The following TENM3 variants were observed in gnomAD, a reference collection of about 807,000 sequenced individuals.
The protein encoded by TENM3 is teneurin-3.
Under a neutral mutation model 255.1 loss-of-function variants are expected in TENM3, and 63 were observed. The observed-to-expected ratio is 0.25, with a 90% CI of 0.20 to 0.30. The LOEUF (loss-of-function observed/expected upper bound fraction) is 0.30. TENM3 is among the 10% of genes least tolerant of loss of function. TENM3 has a pLI of 1.00. For synonymous variants in TENM3, 1,306 were observed against 1,322.3 expected, an observed-to-expected ratio of 0.99 and a Z score of 0.27; for missense variants, 2,929 against 3,461.1, an observed-to-expected ratio of 0.85 and a Z score of 3.86.
chr4:182,514,011 G>A (rs1737681311), intron 3 of TENM3, among the ~76,000 whole-genome samples: 1 of 152,210 alleles, frequency 6.6e-6, no homozygotes, highest in Non-Finnish European at 1.5e-5. Context: ...CTTGTTTAGG[G>A]TTTCCCCTCT....
At chr4:181,570,270 C>A in the TENM3 span, among the ~76,000 whole-genome samples, 2 of 151,986 alleles carry the variant, frequency 1.3e-5, no homozygotes, top group African/African-American at 4.8e-5. Context: ...TGGTCTCGAT[C>A]TCCTGACCTC....
intron 3 of TENM3, among the ~76,000 whole-genome samples, chr4:182,462,663 G>T (rs189792828): frequency 6.6e-6 from 1 of 151,864 alleles, no homozygotes; most frequent in Non-Finnish European, 1.5e-5. Context: ...CAGGTGGACG[G>T]ATCACCTGAG....
At chr4:182,490,102 A>C (rs1735141223) in intron 3 of TENM3, among the ~76,000 whole-genome samples, 1 of 152,192 alleles carries the variant, frequency 6.6e-6, no homozygotes, top group Non-Finnish European at 1.5e-5. Context: ...TGAATGTCTT[A>C]ATTCTCACTA....
chr4:181,448,441 G>T, the TENM3 span, among the ~76,000 whole-genome samples: 4 of 152,008 alleles, frequency 2.6e-5, no homozygotes, highest in African/African-American at 9.7e-5. Context: ...AAAGTGCTGG[G>T]ATTACAGGCG....
At chr4:182,781,988 A>T in intron 24 of TENM3, among the ~76,000 whole-genome samples, 1 of 131,182 alleles carries the variant, frequency 7.6e-6, no homozygotes, top group Non-Finnish European at 1.6e-5. Flanking sequence ...AATTTTGTTG[A>T]TCCTTTCAAA....
chr4:182,339,689 A>G (rs1219237514), intron 2 of TENM3, among the ~76,000 whole-genome samples: 2 of 152,116 alleles, frequency 1.3e-5, no homozygotes, highest in African/African-American at 2.4e-5. Context: ...TTGGATCCAC[A>G]GTGTGACTCA....
the TENM3 span, among the ~76,000 whole-genome samples, chr4:181,584,052 G>A: frequency 6.6e-6 from 1 of 152,156 alleles, no homozygotes; most frequent in Non-Finnish European, 1.5e-5. Context: ...ACTCCTGTTT[G>A]CCTTTCAATA....
chr4:182,116,719 C>A, the TENM3 span, among the ~76,000 whole-genome samples: 1 of 152,178 alleles, frequency 6.6e-6, no homozygotes, highest in Non-Finnish European at 1.5e-5. Context: ...AACTTCCATG[C>A]CTTTTCTTGG....
chr4:181,574,424 G>A, the TENM3 span, among the ~76,000 whole-genome samples: 2 of 151,910 alleles, frequency 1.3e-5, no homozygotes, highest in African/African-American at 2.4e-5. Flanking sequence ...CCAGCTACTC[G>A]GGAGGCTGAG....
At chr4:181,973,871 C>T in the TENM3 span, among the ~76,000 whole-genome samples, 1 of 152,118 alleles carries the variant, frequency 6.6e-6, no homozygotes, top group African/African-American at 2.4e-5. Context: ...AGAGTTATCC[C>T]AGGAGATAAC....
the TENM3 span, among the ~76,000 whole-genome samples, chr4:181,558,508 C>T: frequency 3.3e-5 from 5 of 152,190 alleles, no homozygotes; most frequent in African/African-American, 9.7e-5. Context: ...TAGGCAAGCA[C>T]TTATGAATAC....
intron 3 of TENM3, among the ~76,000 whole-genome samples, chr4:182,351,828 AAAC>A (rs1188990825): frequency 2.0e-5 from 3 of 152,148 alleles, no homozygotes; most frequent in Non-Finnish European, 2.9e-5. Context: ...CCACGTTGTA[AAAC>A]AGGGACAGCA....
intron 3 of TENM3, among the ~76,000 whole-genome samples, chr4:182,502,853 A>G (rs1196702558): frequency 3.5e-5 from 5 of 144,598 alleles, no homozygotes; most frequent in Non-Finnish European, 6.0e-5. Context: ...CTCTGTGGGC[A>G]TGGGTTGGAG....
intron 1 of TENM3, among the ~76,000 whole-genome samples, chr4:182,283,137 C>T (rs921402428): frequency 8.5e-5 from 13 of 152,170 alleles, no homozygotes; most frequent in East Asian, 1.9e-4. Context: ...TTGACTTCAA[C>T]GTAAATAATA....
At chr4:181,457,784 AT>A in the TENM3 span, among the ~76,000 whole-genome samples, 61 of 152,020 alleles carry the variant, frequency 4.0e-4, no homozygotes, top group Admixed American at 1.1e-3. Flanking sequence ...TTATTCTCAC[AT>A]TTTAGTATCC....
At chr4:181,496,441 CAGT>C in the TENM3 span, among the ~76,000 whole-genome samples, 1 of 152,158 alleles carries the variant, frequency 6.6e-6, no homozygotes, top group Admixed American at 6.5e-5. Flanking sequence ...CTTCGGAAAT[CAGT>C]AGCCCACAGA....
At chr4:182,761,836 GT>G (rs1161385939) in intron 22 of TENM3, among the ~76,000 whole-genome samples, 3 of 152,002 alleles carry the variant, frequency 2.0e-5, no homozygotes, top group Admixed American at 6.6e-5. Flanking sequence ...TATTTTTGAT[GT>G]TTTGTTTAAT....
At chr4:181,842,069 A>G in the TENM3 span, among the ~76,000 whole-genome samples, 284 of 149,898 alleles carry the variant, frequency 1.9e-3, 2 homozygotes, top group African/African-American at 6.5e-3. Context: ...GACTGATTAT[A>G]TGCAAAATTA....
At chr4:181,538,602 C>T in the TENM3 span, among the ~76,000 whole-genome samples, 12 of 152,186 alleles carry the variant, frequency 7.9e-5, no homozygotes, top group Admixed American at 5.2e-4. Context: ...CCATAGAACA[C>T]CTATGAGACT....
Sources: gnomAD v4.1 joint callset for allele counts (sites outside exome capture counted in the v4.1 genomes callset) on GRCh38, gnomAD v4.1.1 for gene constraint, MANE v1.5 for transcripts, NCBI Gene and HGNC (gene_info 2026-07-23, HGNC 2026-07-21) for gene names.